PHACTR1: variants seen among roughly 807,000 people sequenced by gnomAD.
PHACTR1 encodes the protein phosphatase and actin regulator 1.
A neutral mutation model predicts 69.2 loss-of-function variants in PHACTR1; 16 were observed. That is an observed-to-expected ratio of 0.23 (90% confidence interval 0.16 to 0.35). PHACTR1 has a LOEUF of 0.35. Ranked by LOEUF, PHACTR1 falls within the 10% of genes least tolerant of loss-of-function variation. The probability of loss-of-function intolerance (pLI) is 1.00; values close to 1 mark genes in which losing one functional copy is unlikely to be tolerated. For missense variants in PHACTR1, 510 were observed against 734.7 expected, an observed-to-expected ratio of 0.69 and a Z score of 3.54; for synonymous variants, 312 against 284.5, an observed-to-expected ratio of 1.10 and a Z score of -0.97.
At chr6:13,139,745 T>C (rs1822140933) in intron 5 of PHACTR1, among the ~76,000 whole-genome samples, 1 of 152,178 alleles carries the variant, frequency 6.6e-6, no homozygotes, top group South Asian at 2.1e-4. Context: ...GCTACTGTTC[T>C]TCATTAATTA....
intron 5 of PHACTR1, among the ~76,000 whole-genome samples, chr6:13,114,454 A>G (rs1817516244): frequency 6.6e-6 from 1 of 152,168 alleles, no homozygotes; most frequent in South Asian, 2.1e-4. Context: ...TCCCCAAGGG[A>G]AACGTTCTTC....
intron 3 of PHACTR1, among the ~76,000 whole-genome samples, chr6:12,737,062 A>G (rs1764356114): frequency 6.6e-6 from 1 of 152,114 alleles, no homozygotes. Context: ...AGGTTTCTTA[A>G]CAATGGGGAT....
intron 5 of PHACTR1, among the ~76,000 whole-genome samples, chr6:13,055,306 C>T (rs561241208): frequency 6.6e-6 from 1 of 152,196 alleles, no homozygotes; most frequent in South Asian, 2.1e-4. Flanking sequence ...CTTAAGGTGT[C>T]GCAAAACCTG....
intron 10 of PHACTR1, among the ~76,000 whole-genome samples, chr6:13,236,649 A>T (rs78793343): frequency 1.3e-5 from 2 of 152,136 alleles, no homozygotes; most frequent in Non-Finnish European, 2.9e-5. Context: ...TTCTATAAGG[A>T]CACCAGTTAT....
chr6:13,132,700 C>T lies in PHACTR1; in HGVS notation c.416-27504C>T, dbSNP rs1323340882. 2.0e-5 allele frequency among the ~76,000 whole-genome samples: 3 copies of T among 148,734 alleles called. No homozygotes were observed. In the East Asian group the frequency reaches 5.9e-4, roughly 29 times the overall value. On this transcript the variant is annotated intron_variant, in intron 5 of 14. Coordinates refer to ENST00000332995, the MANE Select transcript of PHACTR1 (RefSeq NM_030948.6). ...AGCATCATGTCCAAAAAACAATGTACATACCTTAATTTAAAAATACCGTAT... is the reference window on the plus strand; with the variant it reads ...AGCATCATGTCCAAAAAACAATGTATATACCTTAATTTAAAAATACCGTAT...
intron 4 of PHACTR1, among the ~76,000 whole-genome samples, chr6:12,949,283 A>AG (rs1168036427): frequency 6.0e-5 from 9 of 150,880 alleles, no homozygotes; most frequent in African/African-American, 2.2e-4. Flanking sequence ...AAAAAAAAAA[A>AG]AAAAGAAAGA....
intron 4 of PHACTR1, among the ~76,000 whole-genome samples, chr6:12,973,867 CAAAT>C (rs1188679091): frequency 7.0e-6 from 1 of 143,756 alleles, no homozygotes; most frequent in Non-Finnish European, 1.5e-5. Context: ...CATCTTTAAA[CAAAT>C]AAACAAACAA....
At chr6:13,028,125 CAT>C (rs1175780662) in intron 4 of PHACTR1, among the ~76,000 whole-genome samples, 6 of 152,166 alleles carry the variant, frequency 3.9e-5, no homozygotes, top group South Asian at 2.1e-4. Flanking sequence ...TTTTATCACA[CAT>C]ATGTCTTGTT....
chr6:12,857,195 C>T (rs981335355), intron 4 of PHACTR1, among the ~76,000 whole-genome samples: 4 of 152,086 alleles, frequency 2.6e-5, no homozygotes, highest in Admixed American at 6.6e-5. Flanking sequence ...TTTCTGCCTG[C>T]GGGCCACAGT....
rs183928292 is a variant in PHACTR1, at chr6:13,010,316, C to T, written c.251-43049C>T. 4.0e-3 allele frequency among the ~76,000 whole-genome samples: 611 copies of T among 152,150 alleles called. 5 individuals carry two copies. The highest frequency in any genetic ancestry group is 0.014 in the African/African-American group (567 of 41,500). On this transcript the variant is annotated intron_variant, in intron 4 of 14. Coordinates refer to ENST00000332995, the MANE Select transcript of PHACTR1 (RefSeq NM_030948.6). ...CTAATTTTTGTGTTTTTAGTAGACA[C>T]AGGGTTTCACCATGTTGGCCAGGCT...
intron 5 of PHACTR1, among the ~76,000 whole-genome samples, chr6:13,150,459 G>C (rs918872108): frequency 6.6e-6 from 1 of 152,072 alleles, no homozygotes; most frequent in Non-Finnish European, 1.5e-5. Context: ...TGGGTTACTG[G>C]CAAAATGTTT....
intron 3 of PHACTR1, among the ~76,000 whole-genome samples, chr6:12,728,027 G>A (rs1015875599): frequency 1.3e-5 from 2 of 152,102 alleles, no homozygotes; most frequent in Non-Finnish European, 2.9e-5. Context: ...AAAAAAATGA[G>A]AGGGCCAGGC....
chr6:12,959,195 AG>A (rs1351230057), intron 4 of PHACTR1, among the ~76,000 whole-genome samples: 2,734 of 96,160 alleles, frequency 0.028, 154 homozygotes, highest in African/African-American at 0.072. Context: ...AAAAAAAAAA[AG>A]AAAAGAAAAA....
At chr6:12,892,621 A>G (rs1261922725) in intron 4 of PHACTR1, among the ~76,000 whole-genome samples, 1 of 152,236 alleles carries the variant, frequency 6.6e-6, no homozygotes, top group African/African-American at 2.4e-5. Context: ...CAGAGCAAAA[A>G]CATTGGCAGT....
At chr6:12,971,057 T>C (rs1794142603) in intron 4 of PHACTR1, among the ~76,000 whole-genome samples, 1 of 152,206 alleles carries the variant, frequency 6.6e-6, no homozygotes, top group African/African-American at 2.4e-5. Context: ...GCCAGGATAG[T>C]CATGAAGTGT....
chr6:12,954,759 A>G (rs1366465866), intron 4 of PHACTR1, among the ~76,000 whole-genome samples: 1 of 152,272 alleles, frequency 6.6e-6, no homozygotes. Flanking sequence ...TGTTCCACCC[A>G]AGAGATTACC....
chr6:12,903,395 A>G (rs1440359743), intron 4 of PHACTR1, among the ~76,000 whole-genome samples: 1 of 152,242 alleles, frequency 6.6e-6, no homozygotes, highest in African/African-American at 2.4e-5. Flanking sequence ...TGTATCATGC[A>G]CGTGGTCAGC....
At chr6:12,907,508 A>G (rs960416644) in intron 4 of PHACTR1, among the ~76,000 whole-genome samples, 1 of 152,200 alleles carries the variant, frequency 6.6e-6, no homozygotes, top group African/African-American at 2.4e-5. Context: ...CTACTTGTGG[A>G]GGTCATTTTG....
chr6:13,222,808 C>T (rs1378714545), intron 8 of PHACTR1, among the ~76,000 whole-genome samples: 3 of 152,184 alleles, frequency 2.0e-5, no homozygotes, highest in African/African-American at 7.2e-5. Context: ...AAGTGTACTA[C>T]AATGCACAGG....
Sources: gnomAD v4.1 joint callset for allele counts (sites outside exome capture counted in the v4.1 genomes callset) on GRCh38, gnomAD v4.1.1 for gene constraint, MANE v1.5 for transcripts, NCBI Gene and HGNC (gene_info 2026-07-23, HGNC 2026-07-21) for gene names.